Variants in EMC3 observed in about 807,000 individuals in gnomAD.
The protein encoded by EMC3 is ER membrane protein complex subunit 3.
In EMC3, 13 loss-of-function variants were observed where a neutral mutation model predicts 36.6. The ratio of observed to expected loss-of-function variants is 0.35; its 90% confidence interval spans 0.23 to 0.56. The LOEUF is 0.56. Among genes scored for constraint, EMC3 ranks in the 20% least tolerant of loss-of-function variants. The pLI is 0.84. For synonymous variants in EMC3, 120 were observed against 111.9 expected (o/e 1.07, Z -0.46); for missense variants, 220 against 324.5 (o/e 0.68, Z 2.47).
intron 1 of EMC3, among the ~76,000 whole-genome samples, chr3:9,985,155 ATC>A (rs1480312934): frequency 3.9e-5 from 6 of 152,212 alleles, no homozygotes; most frequent in African/African-American, 1.4e-4. Flanking sequence ...CTTTTTATAT[ATC>A]AACTTTTTTC....
At position 9,978,843 on chromosome 3, in the gene EMC3, A is replaced by AAAC. The variant is rs1559352308; in HGVS notation, c.156-1398_156-1397insGTT. On this transcript the variant is annotated intron_variant, in intron 1 of 7. Transcript: ENST00000245046. Reference sequence around the variant, plus strand: ...CATCTCAAAAAAACAACAACAACAAAAAACAAACAAACAAACAAAAAAACT... The same window carrying AAAC: ...CATCTCAAAAAAACAACAACAACAAAAACAAACAAACAAACAAACAAAAAAACT... 3.0e-4 allele frequency among the ~76,000 whole-genome samples: 28 copies of AAAC among 94,140 alleles called. 1 individual carries two copies. In the East Asian group the frequency reaches 6.4e-3, roughly 21 times the overall value. The allele number at this position is 94,140 out of a possible 152,430, so 61.8% of individuals were successfully genotyped here. A position where few individuals can be genotyped will look rare whatever the true frequency, so the allele number is the denominator to read the frequency against.
chr3:10,008,376 A>G, intron 1 of EMC3: 1 of 1,365,836 alleles, frequency 7.3e-7, no homozygotes, highest in South Asian at 1.1e-5. Context: ...AAAACCCACA[A>G]ACAGAGAAGG....
rs7624814 is a variant in EMC3, at chr3:9,963,835, G to T, written c.*234C>A. 2 of 481,114 alleles carry T rather than the reference G, an allele frequency of 4.2e-6. No homozygotes were observed. The highest frequency in any genetic ancestry group is 8.9e-5 in the East Asian group (2 of 22,348). 29.8% of individuals were successfully genotyped at this position (481,114 alleles called of 1,614,324 possible). A position where few individuals can be genotyped will look rare whatever the true frequency, so the allele number is the denominator to read the frequency against. ...CCCCTTTCTCTGACTTTCATTACTAGAGTCACCAGAAGGAACATTTACAAC... is the reference window on the plus strand; with the variant it reads ...CCCCTTTCTCTGACTTTCATTACTATAGTCACCAGAAGGAACATTTACAAC... On this transcript the variant is annotated 3_prime_UTR_variant, in exon 8 of 8. Transcript: ENST00000245046.
upstream of EMC3, among the ~76,000 whole-genome samples, chr3:9,989,785 A>G (rs2086024355): frequency 1.3e-5 from 2 of 152,048 alleles, no homozygotes; most frequent in Admixed American, 1.3e-4. Flanking sequence ...TATAATTTGT[A>G]TTCTTTTTTC....
exon 1 of EMC3, chr3:10,011,048 G>A (rs1051812651): frequency 2.0e-5 from 3 of 152,488 alleles, no homozygotes; most frequent in Non-Finnish European, 4.4e-5. Context: ...GCGCTGAGTG[G>A]GCCGGAAGCC....
intron 6 of EMC3, 49 bp downstream of exon 6, chr3:9,970,533 T>C: frequency 1.3e-6 from 2 of 1,581,936 alleles, no homozygotes; most frequent in Non-Finnish European, 1.7e-6. Flanking sequence ...CTAATATGGA[T>C]GATTCATCTA....
chr3:9,977,543 G>T, intron 1 of EMC3, 97 bp from the exon 2 acceptor site: 2 of 1,044,312 alleles, frequency 1.9e-6, no homozygotes, highest in Non-Finnish European at 2.8e-6. Context: ...ACAAGAGAGG[G>T]CCTATTTGGC....
upstream of EMC3, chr3:9,986,899 G>T (rs570045088): frequency 3.0e-6 from 4 of 1,313,726 alleles, no homozygotes; most frequent in African/African-American, 5.9e-5. Flanking sequence ...GAGCGGCGTC[G>T]GGCCTGGCGG....
chr3:10,004,627 T>G (rs1366604858), intron 1 of EMC3: 1 of 152,258 alleles, frequency 6.6e-6, no homozygotes, highest in Non-Finnish European at 1.5e-5. Context: ...GGGAGTCCTG[T>G]TTTAGACCCA....
In EMC3 at chr3:9,963,069, T is replaced by G. The variant is rs2085703021; in HGVS notation, c.*1000A>C. On this transcript the variant is annotated 3_prime_UTR_variant, in exon 8 of 8. Transcript: ENST00000245046. ...ATGATCCCAAAGGCACTTTAGAATC[T>G]GGCAGTGCCTCAGGGTCACTGATTT... 6.6e-6 allele frequency: 1 copy of G among 152,162 alleles called. No individual in the cohort carries two copies. Among genetic ancestry groups the G allele is most frequent in the Non-Finnish European group, 1.5e-5 (1 of 68,016 alleles). The allele number at this position is 152,162 out of a possible 1,614,324, so 9.4% of individuals were successfully genotyped here.
At chr3:9,966,979 T>C (rs2085741821) in intron 7 of EMC3, among the ~76,000 whole-genome samples, 1 of 152,200 alleles carries the variant, frequency 6.6e-6, no homozygotes, top group Non-Finnish European at 1.5e-5. Context: ...TCACAATGTG[T>C]ACCCATGTCT....
intron 1 of EMC3, among the ~76,000 whole-genome samples, chr3:9,991,877 T>C (rs1447405011): frequency 1.3e-5 from 2 of 152,220 alleles, no homozygotes; most frequent in African/African-American, 4.8e-5. Context: ...CATCAGGCAC[T>C]ACTTAGATTC....
At chr3:10,002,070 G>C (rs912837345) in intron 1 of EMC3, among the ~76,000 whole-genome samples, 26 of 141,676 alleles carry the variant, frequency 1.8e-4, no homozygotes, top group South Asian at 2.3e-4. Context: ...TCAAGGTTTT[G>C]GCAATTTGGG....
chr3:9,996,163 C>A (rs992452659), intron 1 of EMC3, among the ~76,000 whole-genome samples: 20 of 152,282 alleles, frequency 1.3e-4, no homozygotes, highest in African/African-American at 4.1e-4. Flanking sequence ...TTTGTGGATG[C>A]CATTCACTGA....
intron 1 of EMC3, chr3:9,992,793 TTTAA>T (rs759675075): frequency 1.6e-4 from 137 of 865,806 alleles, no homozygotes; most frequent in Non-Finnish European, 2.4e-4. Flanking sequence ...CATTGTGTGT[TTTAA>T]TTAGAGGAAA....
At chr3:9,987,122 G>A, upstream of EMC3, 1 of 821,898 alleles carries the variant, frequency 1.2e-6, no homozygotes, top group Non-Finnish European at 1.5e-6. Context: ...GCTGAGGCAG[G>A]AGAATGGCGT....
At chr3:9,997,652 G>A (rs2086143525) in intron 1 of EMC3, among the ~76,000 whole-genome samples, 1 of 151,936 alleles carries the variant, frequency 6.6e-6, no homozygotes, top group Non-Finnish European at 1.5e-5. Flanking sequence ...TCGAGTTGGG[G>A]TTTCATCATG....
At chr3:9,985,810 CT>C (rs1160270129) in intron 1 of EMC3, among the ~76,000 whole-genome samples, 5 of 152,160 alleles carry the variant, frequency 3.3e-5, no homozygotes, top group African/African-American at 1.2e-4. Flanking sequence ...AAGAGAATCG[CT>C]TGAACCCGGG....
At chr3:10,005,759 G>T (rs2086255500) in intron 1 of EMC3, among the ~76,000 whole-genome samples, 1 of 152,118 alleles carries the variant, frequency 6.6e-6, no homozygotes, top group Non-Finnish European at 1.5e-5. Context: ...GGGATTTCAG[G>T]CCAAGAACAT....
Sources: gnomAD v4.1 joint callset for allele counts (sites outside exome capture counted in the v4.1 genomes callset) on GRCh38, gnomAD v4.1.1 for gene constraint, MANE v1.5 for transcripts, NCBI Gene and HGNC (gene_info 2026-07-23, HGNC 2026-07-21) for gene names.